SPTBN1: variants seen among roughly 807,000 people sequenced by gnomAD.
SPTBN1 encodes the protein spectrin beta, non-erythrocytic 1, also known as spectrin beta chain, non-erythrocytic 1.
SPTBN1 carries 32 observed loss-of-function variants against 266.4 expected under a neutral mutation model. The ratio of observed to expected loss-of-function variants is 0.12; its 90% CI spans 0.09 to 0.16. The LOEUF (loss-of-function observed/expected upper bound fraction) is 0.16, where lower values mean the gene tolerates loss of function less well. Among genes scored for constraint, SPTBN1 ranks in the 10% least tolerant of loss-of-function variants. SPTBN1 has a pLI of 1.00. For missense variants in SPTBN1, 2,296 were observed against 3,067.1 expected (o/e 0.75, Z 5.94); for synonymous variants, 1,336 against 1,162.2 (o/e 1.15, Z -3.04).
At chr2:54,478,413 C>G (rs1449624978) in intron 1 of SPTBN1, among the ~76,000 whole-genome samples, 1 of 152,016 alleles carries the variant, frequency 6.6e-6, no homozygotes, top group East Asian at 1.9e-4. Flanking sequence ...TGGGGAGTTT[C>G]GTGGAAGAGC....
At position 54,632,552 on chromosome 2, in the gene SPTBN1, T is replaced by G. The variant is rs763638883; in HGVS notation, c.3565-14T>G. 6.2e-7 allele frequency: 1 copy of G among 1,613,834 alleles called. No individual in the cohort carries two copies. The highest frequency in any genetic ancestry group is 2.2e-5 in the East Asian group (1 of 44,890). On this transcript the variant is annotated splice_polypyrimidine_tract_variant and intron_variant, in intron 16 of 35. Transcript: ENST00000356805. Reference sequence around the variant, plus strand: ...TCATTGATCTGCTATGATTTGTTCCTCTTTTTAAATAAGGAGTATGTTCTG... The same window carrying G: ...TCATTGATCTGCTATGATTTGTTCCGCTTTTTAAATAAGGAGTATGTTCTG...
intron 1 of SPTBN1, among the ~76,000 whole-genome samples, chr2:54,504,162 C>G (rs1255226919): frequency 1.3e-5 from 2 of 152,216 alleles, no homozygotes; most frequent in African/African-American, 4.8e-5. Context: ...AGGAAAACTA[C>G]TTTCTGAGGT....
chr2:54,490,333 A>C (rs1220031884), intron 1 of SPTBN1, among the ~76,000 whole-genome samples: 1 of 152,130 alleles, frequency 6.6e-6, no homozygotes, highest in Non-Finnish European at 1.5e-5. Flanking sequence ...CGACCTCCCA[A>C]AGTGCTAGGA....
At chr2:54,605,134 GCC>G (rs1378617915) in intron 3 of SPTBN1, among the ~76,000 whole-genome samples, 1 of 152,114 alleles carries the variant, frequency 6.6e-6, no homozygotes, top group Non-Finnish European at 1.5e-5. Context: ...GCTGAGAGGC[GCC>G]CCCTCCCTCT....
intron 1 of SPTBN1, among the ~76,000 whole-genome samples, chr2:54,477,017 T>G (rs1335202210): frequency 3.9e-5 from 1 of 25,652 alleles, no homozygotes; most frequent in African/African-American, 6.4e-4. Flanking sequence ...ACACACCGAG[T>G]TTTTTTTTTA....
chr2:54,594,833 CTTTTTTTTT>C (rs71408777), intron 2 of SPTBN1, among the ~76,000 whole-genome samples: 1 of 104,716 alleles, frequency 9.5e-6, no homozygotes, highest in Admixed American at 1.0e-4. Context: ...TGGTAAGTTT[CTTTTTTTTT>C]TTTTTTTTTG....
chr2:54,541,199 T>C (rs1003856159), intron 2 of SPTBN1, among the ~76,000 whole-genome samples: 5 of 152,212 alleles, frequency 3.3e-5, no homozygotes, highest in Non-Finnish European at 7.3e-5. Flanking sequence ...ACAGACCAAA[T>C]CTATTAGCCC....
At chr2:54,511,466 T>C (rs1573304865) in intron 1 of SPTBN1, among the ~76,000 whole-genome samples, 1 of 152,238 alleles carries the variant, frequency 6.6e-6, no homozygotes, top group Non-Finnish European at 1.5e-5. Flanking sequence ...ACTAGTTTCG[T>C]GGAAGACAGT....
intron 32 of SPTBN1, chr2:54,661,434 C>G (rs1412802539): frequency 1.0e-6 from 1 of 985,694 alleles, no homozygotes; most frequent in Admixed American, 6.2e-5. Flanking sequence ...TTTCATGATG[C>G]ATGTCTTTTT....
In SPTBN1 at chr2:54,645,850, A is replaced by G. The variant is rs543158564; in HGVS notation, c.4495-78A>G. On this transcript the variant is annotated intron_variant, in intron 21 of 35. Transcript: ENST00000356805. This position sits in a 1 kb window ranked among gnomAD's most constrained non-coding sequence, Gnocchi z 4.3. ...CTGAAGCTCACCCTTGCTGTCCCTC[A>G]CTGCCCCTCACTGCTCGTTTGTGTC... is the stretch of plus-strand genomic sequence containing the variant. 1.3e-3 allele frequency: 1,901 copies of G among 1,498,372 alleles called. 40 individuals carry two copies. In the South Asian group the frequency reaches 0.02, roughly 16 times the overall value. The allele number at this position is 1,498,372 out of a possible 1,614,324, so 92.8% of individuals were successfully genotyped here.
chr2:54,631,830 C>T (rs1043284999), intron 16 of SPTBN1, among the ~76,000 whole-genome samples: 4 of 152,238 alleles, frequency 2.6e-5, no homozygotes, highest in African/African-American at 7.2e-5. Flanking sequence ...CTTTGCCTTA[C>T]AAAGTACTGT....
At chr2:54,583,057 G>T (rs1360601652) in intron 2 of SPTBN1, among the ~76,000 whole-genome samples, 1 of 152,050 alleles carries the variant, frequency 6.6e-6, no homozygotes, top group African/African-American at 2.4e-5. Flanking sequence ...CGTCATCTAG[G>T]ACCATGCTGG....
At chr2:54,480,737 A>G (rs913596465) in intron 1 of SPTBN1, among the ~76,000 whole-genome samples, 2 of 152,224 alleles carry the variant, frequency 1.3e-5, no homozygotes, top group Non-Finnish European at 2.9e-5. Flanking sequence ...GGCCAAGATG[A>G]AAAAGAATTC....
At chr2:54,651,345 A>T (rs1180447594) in intron 26 of SPTBN1, among the ~76,000 whole-genome samples, 1 of 148,486 alleles carries the variant, frequency 6.7e-6, no homozygotes, top group Non-Finnish European at 1.5e-5. Flanking sequence ...CGAGTCTGAT[A>T]GTCTGCACCT....
chr2:54,489,791 A>T (rs1397307930), intron 1 of SPTBN1, among the ~76,000 whole-genome samples: 1 of 152,228 alleles, frequency 6.6e-6, no homozygotes, highest in Non-Finnish European at 1.5e-5. Flanking sequence ...GCATACATTT[A>T]GCAATCTCTA....
chr2:54,509,534 C>T (rs1441119868), intron 1 of SPTBN1, among the ~76,000 whole-genome samples: 2 of 152,224 alleles, frequency 1.3e-5, no homozygotes, highest in African/African-American at 2.4e-5. Context: ...ACAGTAAGGT[C>T]AAGTTGTTGA....
intron 15 of SPTBN1, among the ~76,000 whole-genome samples, chr2:54,630,564 G>C (rs749873380): frequency 5.3e-5 from 8 of 152,188 alleles, no homozygotes; most frequent in Non-Finnish European, 1.0e-4. Flanking sequence ...ATGTGTCACA[G>C]ACATGAATTA....
rs6755737 is a variant in SPTBN1 at position 54,623,606 on chromosome 2, A to C, written c.1182+10A>C. ...CTCTGACATCAACAAGGTAAAGTGG[A>C]TCTGGACTCTGCATGGGCCCTGACC... On this transcript the variant is annotated intron_variant, in intron 10 of 35. Transcript: ENST00000356805. 14 of 1,608,562 alleles carry C rather than the reference A, an allele frequency of 8.7e-6. No homozygotes were observed. The Admixed American group carries it at 1.7e-4, about 19-fold the overall frequency.
chr2:54,489,802 A>G (rs1668593629), intron 1 of SPTBN1, among the ~76,000 whole-genome samples: 1 of 152,242 alleles, frequency 6.6e-6, no homozygotes, highest in Admixed American at 6.5e-5. Context: ...GCAATCTCTA[A>G]TTGGGAATGT....
Sources: gnomAD v4.1 joint callset for allele counts (sites outside exome capture counted in the v4.1 genomes callset) on GRCh38, gnomAD v4.1.1 for gene constraint, Gnocchi (gnomAD v3.1) non-coding constraint, MANE v1.5 for transcripts, NCBI Gene and HGNC (gene_info 2026-07-23, HGNC 2026-07-21) for gene names.